CRYZL1: variants seen among roughly 807,000 people sequenced by gnomAD.
CRYZL1 encodes the protein ferry endosomal RAB5 effector complex subunit 4.
A neutral mutation model predicts 50.6 loss-of-function variants in CRYZL1; 34 were observed. The observed-to-expected ratio is 0.67, with a 90% confidence interval of 0.51 to 0.89. The LOEUF (loss-of-function observed/expected upper bound fraction) is 0.89, where lower values mean the gene tolerates loss of function less well. CRYZL1 is among the 40% of genes least tolerant of loss of function. CRYZL1 has a pLI of 0.00. For synonymous variants in CRYZL1, 125 were observed against 134.3 expected, an observed-to-expected ratio of 0.93 and a Z score of 0.48; for missense variants, 354 against 402.3, an observed-to-expected ratio of 0.88 and a Z score of 1.03.
rs1223588848 is a variant in CRYZL1, at chr21:33,591,150, A to T, written c.950+12T>A. ...AACAAACAAGAACAATGATTTGGTT[A>T]CTTTAGCGTACCTGAAAACACCAGT... On this transcript the variant is annotated intron_variant, in intron 12 of 12. Transcript: ENST00000381554. 1 of 1,586,826 alleles carries T rather than the reference A, an allele frequency of 6.3e-7. No individual in the cohort carries two copies. The highest frequency in any genetic ancestry group is 2.2e-5 in the East Asian group (1 of 44,738).
At chr21:33,590,765 C>G (rs1445929398) in intron 12 of CRYZL1, among the ~76,000 whole-genome samples, 1 of 152,180 alleles carries the variant, frequency 6.6e-6, no homozygotes, top group African/African-American at 2.4e-5. Context: ...AACAAATATA[C>G]CATGGTTTTC....
At chr21:33,633,152 T>C (rs1248777552) in intron 1 of CRYZL1, among the ~76,000 whole-genome samples, 3 of 152,238 alleles carry the variant, frequency 2.0e-5, no homozygotes, top group Admixed American at 6.5e-5. Flanking sequence ...ACTTGAATTG[T>C]TTCCAGTTTG....
intron 1 of CRYZL1, among the ~76,000 whole-genome samples, chr21:33,635,101 A>C (rs2087189195): frequency 1.3e-5 from 2 of 151,848 alleles, no homozygotes. Context: ...AACTGAGGAA[A>C]TATTTGTCTT....
intron 1 of CRYZL1, among the ~76,000 whole-genome samples, chr21:33,640,874 T>A (rs1363940315): frequency 2.0e-5 from 3 of 152,218 alleles, no homozygotes. Flanking sequence ...TTTTGAAGAT[T>A]TAATACGAAG....
intron 6 of CRYZL1, among the ~76,000 whole-genome samples, chr21:33,612,699 T>A (rs1384444535): frequency 6.6e-6 from 1 of 152,240 alleles, no homozygotes; most frequent in Non-Finnish European, 1.5e-5. Context: ...CTGTTTAATA[T>A]GGTTTCATGA....
intron 6 of CRYZL1, among the ~76,000 whole-genome samples, chr21:33,612,592 G>A (rs2086884636): frequency 6.6e-6 from 1 of 152,088 alleles, no homozygotes. Flanking sequence ...CCTGGCTGAT[G>A]GTCAGACTTT....
intron 11 of CRYZL1, among the ~76,000 whole-genome samples, chr21:33,593,170 G>A (rs1461979215): frequency 6.6e-6 from 1 of 151,774 alleles, no homozygotes; most frequent in African/African-American, 2.4e-5. Context: ...GCAGTGGCAC[G>A]ACCTCGGCTC....
intron 1 of CRYZL1, among the ~76,000 whole-genome samples, chr21:33,632,135 C>T (rs993611609): frequency 4.7e-5 from 7 of 147,540 alleles, no homozygotes; most frequent in South Asian, 2.2e-4. Flanking sequence ...TCAGCCTGAC[C>T]GACATGGAGA....
intron 5 of CRYZL1, 106 bp from the exon 6 acceptor site, chr21:33,613,712 C>G (rs2086897760): frequency 1.3e-6 from 1 of 773,396 alleles, no homozygotes; most frequent in African/African-American, 1.7e-5. Context: ...GAGGAAGGTT[C>G]CAGTAATTAC....
rs112225000 is a variant in CRYZL1, at chr21:33,624,743, T to C, written c.84A>G (p.Thr28=). The change falls in exon 3 of 13, where the codon ACA becomes ACG. Residue 28 remains threonine, a synonymous_variant. Transcript: ENST00000381554. The part of the protein sequence containing the change: ...VFQEKEDLPV[T]EDNFVKLQVK... ...CTTGAAGTTTCACAAAGTTATCCTC[T>C]GTAACAGGAAGATCTTCCTAGAACC... 6.3e-7 allele frequency: 1 copy of C among 1,594,000 alleles called. No individual in the cohort carries two copies. Among genetic ancestry groups the C allele is most frequent in the Non-Finnish European group, 8.5e-7 (1 of 1,175,162 alleles).
intron 1 of CRYZL1, among the ~76,000 whole-genome samples, chr21:33,634,904 T>TATATATAA (rs1491266388): frequency 1.5e-5 from 2 of 135,374 alleles, no homozygotes; most frequent in Non-Finnish European, 1.6e-5. Context: ...TATATATATA[T>TATATATAA]AAAATAATGG....
chr21:33,604,751 T>C (rs1476407541), intron 6 of CRYZL1, among the ~76,000 whole-genome samples: 1 of 152,212 alleles, frequency 6.6e-6, no homozygotes, highest in Non-Finnish European at 1.5e-5. Flanking sequence ...GTTTAGCTGA[T>C]GAACATTTGT....
At chr21:33,624,630 A>G (rs1029059237) in intron 3 of CRYZL1, 53 bp downstream of exon 3, 4 of 1,597,196 alleles carry the variant, frequency 2.5e-6, no homozygotes, top group Non-Finnish European at 3.4e-6. Flanking sequence ...TTATACACTA[A>G]ATACACTAAG....
In CRYZL1 at chr21:33,624,734, G is replaced by C; in HGVS notation, c.93C>G (p.Asn31Lys). ...EKEDLPVTED[N>K]FVKLQVKACA... ...AAGCTTTAACTTGAAGTTTCACAAA[G>C]TTATCCTCTGTAACAGGAAGATCTT... Residue 31 changes from asparagine to lysine, a missense_variant, in exon 3 of 13, where the codon AAC (asparagine) becomes AAG (lysine). By Grantham distance (94) the Asn-to-Lys change is moderately conservative. Transcript: ENST00000381554. 2 of 1,595,352 alleles carry C rather than the reference G, an allele frequency of 1.3e-6. No homozygotes were observed. The highest frequency in any genetic ancestry group is 1.7e-6 in the Non-Finnish European group (2 of 1,175,458).
chr21:33,617,718 CAG>C (rs2086950262), intron 4 of CRYZL1, among the ~76,000 whole-genome samples: 1 of 152,072 alleles, frequency 6.6e-6, no homozygotes, highest in African/African-American at 2.4e-5. Flanking sequence ...CAGAACAGGA[CAG>C]GGATTTTCAC....
chr21:33,607,862 T>C (rs1003736703), intron 6 of CRYZL1, among the ~76,000 whole-genome samples: 1 of 152,142 alleles, frequency 6.6e-6, no homozygotes, highest in Admixed American at 6.6e-5. Flanking sequence ...CATTTATAGA[T>C]GCAGTCAGCA....
At chr21:33,590,623 C>T (rs2086634952) in intron 12 of CRYZL1, among the ~76,000 whole-genome samples, 1 of 152,020 alleles carries the variant, frequency 6.6e-6, no homozygotes, top group African/African-American at 2.4e-5. Context: ...GCCATGTTGG[C>T]CAGGCTGGTC....
In CRYZL1 at chr21:33,591,208, G is replaced by A. The variant is rs1186082159; in HGVS notation, c.905-1C>T. 5 of 1,608,540 alleles carry A rather than the reference G, an allele frequency of 3.1e-6. No individual in the cohort carries two copies. Among genetic ancestry groups the A allele is most frequent in the Non-Finnish European group, 4.3e-6 (5 of 1,175,126 alleles). On this transcript the variant is annotated splice_acceptor_variant, in intron 11 of 12. Transcript: ENST00000381554. LOFTEE classifies it high-confidence loss of function. ...TTCTCCATCACATCCTTTAAGATAC[G>A]TAGCTGGAAGGATTGTTAAGGTGGC... is the stretch of plus-strand genomic sequence containing the variant.
At chr21:33,633,476 G>T (rs145369622) in intron 1 of CRYZL1, among the ~76,000 whole-genome samples, 1 of 151,724 alleles carries the variant, frequency 6.6e-6, no homozygotes, top group Non-Finnish European at 1.5e-5. Context: ...GCTGGAGGGC[G>T]CAGTCTCGGC....
Sources: allele counts gnomAD v4.1 joint callset (sites outside exome capture counted in the v4.1 genomes callset), GRCh38; gene constraint gnomAD v4.1.1; transcripts MANE v1.5; gene names NCBI Gene and HGNC (gene_info 2026-07-23, HGNC 2026-07-21).